INPP5A: variants seen among roughly 807,000 people sequenced by gnomAD.
INPP5A encodes inositol polyphosphate-5-phosphatase A, also known as 43 kDa inositol polyphosphate 5-phophatase.
In INPP5A, 14 loss-of-function variants were observed where a neutral mutation model predicts 65.2. That is an observed-to-expected ratio of 0.21 (90% CI 0.14 to 0.34). The LOEUF is 0.34. Ranked by LOEUF, INPP5A falls within the 10% of genes least tolerant of loss-of-function variation. The pLI is 1.00. For synonymous variants in INPP5A, 207 were observed against 208.3 expected, an observed-to-expected ratio of 0.99 and a Z score of 0.05; for missense variants, 431 against 545.6, an observed-to-expected ratio of 0.79 and a Z score of 2.09.
intron 1 of INPP5A, among the ~76,000 whole-genome samples, chr10:132,561,808 A>G (rs909449871): frequency 1.3e-5 from 2 of 152,072 alleles, no homozygotes; most frequent in East Asian, 3.9e-4. Context: ...ATCTACACAC[A>G]CACAACCCTG....
At chr10:132,639,914 T>C (rs2072404243) in intron 2 of INPP5A, among the ~76,000 whole-genome samples, 1 of 152,258 alleles carries the variant, frequency 6.6e-6, no homozygotes, top group South Asian at 2.1e-4. Flanking sequence ...TTTTGAAATT[T>C]CCATTTGTTT....
intron 8 of INPP5A, among the ~76,000 whole-genome samples, chr10:132,713,356 C>G (rs1845684182): frequency 6.6e-6 from 1 of 152,022 alleles, no homozygotes; most frequent in African/African-American, 2.4e-5. Context: ...GGAGTTGGAG[C>G]TGATGGGGCC....
rs1845373779 is a variant in INPP5A at position 132,698,016 on chromosome 10, A to G, written c.474+97A>G. On this transcript the variant is annotated intron_variant, in intron 6 of 15. Coordinates refer to ENST00000368594, the MANE Select transcript of INPP5A (RefSeq NM_005539.5). The surrounding 1 kb of genome is among the most constrained non-coding windows in gnomAD (Gnocchi z 5.5). ...GGAATTTTCGCATTGCACTGTTACT[A>G]GTCACAGCTGCCTGTTGTTACCTCC... 1 of 765,202 alleles carries G rather than the reference A, an allele frequency of 1.3e-6. No homozygotes were observed. The highest frequency in any genetic ancestry group is 1.7e-5 in the African/African-American group (1 of 58,252). The allele number at this position is 765,202 out of a possible 1,614,324, so 47.4% of individuals were successfully genotyped here. A position where few individuals can be genotyped will look rare whatever the true frequency, so the allele number is the denominator to read the frequency against.
intron 2 of INPP5A, among the ~76,000 whole-genome samples, chr10:132,613,783 C>T (rs527645134): frequency 2.6e-4 from 40 of 152,332 alleles, no homozygotes; most frequent in Admixed American, 4.6e-4. Flanking sequence ...CTGGATCAGA[C>T]ACCTGGTGGT....
chr10:132,588,507 T>C (rs1179984746), intron 1 of INPP5A, among the ~76,000 whole-genome samples: 3 of 152,348 alleles, frequency 2.0e-5, no homozygotes, highest in South Asian at 4.1e-4. Context: ...AGAGGACTTT[T>C]CTCATGAAAG....
chr10:132,606,729 C>T (rs1331378949), intron 1 of INPP5A, among the ~76,000 whole-genome samples: 1 of 152,220 alleles, frequency 6.6e-6, no homozygotes, highest in South Asian at 2.1e-4. Context: ...GCTGCACTGG[C>T]GGCCTGCACG....
At chr10:132,756,038 C>A (rs1318300714) in intron 11 of INPP5A, among the ~76,000 whole-genome samples, 1 of 152,250 alleles carries the variant, frequency 6.6e-6, no homozygotes, top group Non-Finnish European at 1.5e-5. Flanking sequence ...ATCCCCAGAG[C>A]TGCTCATAGG....
At chr10:132,619,343 A>C (rs926481040) in intron 2 of INPP5A, among the ~76,000 whole-genome samples, 2 of 152,204 alleles carry the variant, frequency 1.3e-5, no homozygotes, top group East Asian at 3.9e-4. Flanking sequence ...CTCAGAGTCT[A>C]TGTCCCACAC....
At chr10:132,769,183 C>T (rs1846906766) in intron 12 of INPP5A, among the ~76,000 whole-genome samples, 1 of 152,246 alleles carries the variant, frequency 6.6e-6, no homozygotes, top group Non-Finnish European at 1.5e-5. Context: ...TAGAACTCTG[C>T]TCTGAATGAA....
chr10:132,783,071 CTG>C lies in INPP5A; in HGVS notation c.*1044_*1045del, dbSNP rs754767352. 72 of 152,528 alleles carry C rather than the reference CTG, an allele frequency of 4.7e-4. No homozygotes were observed. The highest frequency in any genetic ancestry group is 1.7e-3 in the African/African-American group (70 of 41,568). The allele number at this position is 152,528 out of a possible 1,614,324, so 9.4% of individuals were successfully genotyped here. ...ATAAAAATATTAAAGAGAAACAAAACTGTACATTTCCTCATTGCTCCGCTACA... is the reference window on the plus strand; with the variant it reads ...ATAAAAATATTAAAGAGAAACAAAACTACATTTCCTCATTGCTCCGCTACA... On this transcript the variant is annotated 3_prime_UTR_variant, in exon 16 of 16. Coordinates refer to ENST00000368594, the MANE Select transcript of INPP5A (RefSeq NM_005539.5).
chr10:132,717,859 A>G (rs1274846712), intron 8 of INPP5A, among the ~76,000 whole-genome samples: 13 of 107,554 alleles, frequency 1.2e-4, no homozygotes, highest in South Asian at 3.2e-4. Context: ...GTTCTGTGGT[A>G]CCTGGGTTCT....
intron 11 of INPP5A, among the ~76,000 whole-genome samples, chr10:132,759,568 CAGTAGGTGGGGCTCCACGTCAG>C (rs1846693098): frequency 6.6e-6 from 1 of 151,992 alleles, no homozygotes. Context: ...TCGGAAGTTC[CAGTAGGTGGGGCTCCACGTCAG>C]GGTGTGTCCC....
rs113214711 is a variant in INPP5A at position 132,682,346 on chromosome 10, CTGCG to C, written c.307-8042_307-8039del. Among the ~76,000 whole-genome samples the C allele has an allele frequency of 4.0e-3, 606 of 152,338 alleles. 3 individuals carry two copies. The highest frequency in any genetic ancestry group is 0.014 in the African/African-American group (584 of 41,578). ...GGTGCAGACGTTCGTTAGGCGCGGACTGCGTGCCACTGACCTGCTCACCTGAAGG... is the reference window on the plus strand; with the variant it reads ...GGTGCAGACGTTCGTTAGGCGCGGACTGCCACTGACCTGCTCACCTGAAGG... On this transcript the variant is annotated intron_variant, in intron 4 of 15. Coordinates refer to ENST00000368594, the MANE Select transcript of INPP5A (RefSeq NM_005539.5).
intron 11 of INPP5A, among the ~76,000 whole-genome samples, chr10:132,759,619 C>G (rs1846694007): frequency 6.6e-6 from 1 of 152,050 alleles, no homozygotes; most frequent in Non-Finnish European, 1.5e-5. Flanking sequence ...CCCATTCCTG[C>G]TAACATCGAA....
At chr10:132,566,610 A>AG (rs1489610236) in intron 1 of INPP5A, among the ~76,000 whole-genome samples, 11 of 152,410 alleles carry the variant, frequency 7.2e-5, no homozygotes, top group Admixed American at 3.9e-4. Flanking sequence ...CATCAGTAGA[A>AG]GAAACCTTGT....
intron 4 of INPP5A, among the ~76,000 whole-genome samples, chr10:132,671,833 G>T (rs543536292): frequency 6.6e-6 from 1 of 152,318 alleles, no homozygotes; most frequent in African/African-American, 2.4e-5. Context: ...AACCAGAAGA[G>T]GCCAATGTGG....
Position 132,598,649 on chromosome 10 carries a change from T to C in INPP5A, c.76-9266T>C, listed in dbSNP as rs556749263. ...GATGGACACTTGGGTTTCTTCCAGC[T>C]TCTGGCTGATTGTGGGTGTACCGAT... is the stretch of plus-strand genomic sequence containing the variant. On this transcript the variant is annotated intron_variant, in intron 1 of 15. Transcript: ENST00000368594. Among the ~76,000 whole-genome samples, 3 of 152,384 alleles carry C rather than the reference T, an allele frequency of 2.0e-5. No individual in the cohort carries two copies. In the East Asian group the frequency reaches 5.8e-4, roughly 29 times the overall value.
At chr10:132,657,670 C>T (rs899037694) in intron 4 of INPP5A, among the ~76,000 whole-genome samples, 1 of 152,222 alleles carries the variant, frequency 6.6e-6, no homozygotes, top group Non-Finnish European at 1.5e-5. Context: ...CTTCCACTCT[C>T]GTTCTCCTAA....
chr10:132,772,011 A>G (rs71503756), intron 12 of INPP5A, among the ~76,000 whole-genome samples: 31 of 342 alleles, frequency 0.091, 13 homozygotes, highest in Non-Finnish European at 0.14. Flanking sequence ...GCACTGACAC[A>G]GAGGCCACAG....
Sources: allele counts gnomAD v4.1 joint callset (sites outside exome capture counted in the v4.1 genomes callset), GRCh38; gene constraint gnomAD v4.1.1; non-coding constraint Gnocchi (gnomAD v3.1); transcripts MANE v1.5; gene names NCBI Gene and HGNC (gene_info 2026-07-23, HGNC 2026-07-21).